Variants in MKNK1 observed in about 807,000 individuals in gnomAD.
MKNK1 encodes the protein MAP kinase-interacting serine/threonine-protein kinase 1.
A neutral mutation model predicts 49.3 loss-of-function variants in MKNK1; 30 were observed. That is an observed-to-expected ratio of 0.61 (90% CI 0.46 to 0.83). The LOEUF (loss-of-function observed/expected upper bound fraction) is 0.83, where lower values mean the gene tolerates loss of function less well. Among genes scored for constraint, MKNK1 ranks in the 40% least tolerant of loss-of-function variants. MKNK1 has a pLI of 0.00. For missense variants in MKNK1, 423 were observed against 524.7 expected (o/e 0.81, Z 1.89); for synonymous variants, 176 against 201.7 (o/e 0.87, Z 1.08).
intron 5 of MKNK1, 103 bp downstream of exon 5, chr1:46,576,472 G>A (rs1570179303): frequency 1.1e-6 from 1 of 933,014 alleles, no homozygotes; most frequent in East Asian, 2.4e-5. Flanking sequence ...GTGGGGACAG[G>A]AGTGAGAGCT....
At chr1:46,593,855 GAAA>G (rs61626573) in intron 2 of MKNK1, 459 of 127,950 alleles carry the variant, frequency 3.6e-3, no homozygotes, top group East Asian at 9.2e-3. Flanking sequence ...GACTCTATCT[GAAA>G]AAAAAAAAAA....
intron 1 of MKNK1, among the ~76,000 whole-genome samples, chr1:46,601,277 G>A (rs1674703340): frequency 6.6e-6 from 1 of 152,168 alleles, no homozygotes; most frequent in Non-Finnish European, 1.5e-5. Context: ...GGAACCAGAT[G>A]GTTGGTTTCC....
chr1:46,571,234 C>G (rs1406494041), intron 7 of MKNK1, among the ~76,000 whole-genome samples: 7 of 152,212 alleles, frequency 4.6e-5, no homozygotes, highest in Non-Finnish European at 1.0e-4. Flanking sequence ...ACAGATACCT[C>G]AAATGTACAT....
At chr1:46,602,532 T>C (rs1482894862) in intron 1 of MKNK1, among the ~76,000 whole-genome samples, 1 of 152,228 alleles carries the variant, frequency 6.6e-6, no homozygotes, top group Non-Finnish European at 1.5e-5. Context: ...CAGGAACTTG[T>C]CTGAGGCTGG....
Position 46,594,142 on chromosome 1 carries a change from A to G in MKNK1, c.-32T>C. ...AGGTTTTTCCAACTTTTGAGAAGAT[A>G]CCATCTGTAAACTTGAAATCCCAAA... On this transcript the variant is annotated 5_prime_UTR_variant, in exon 2 of 13. Transcript: ENST00000371945. The G allele has an allele frequency of 6.2e-7, 1 of 1,612,262 alleles. No individual in the cohort carries two copies. Among genetic ancestry groups the G allele is most frequent in the South Asian group, 1.1e-5 (1 of 91,050 alleles).
Position 46,583,284 on chromosome 1 carries a change from C to G in MKNK1, c.44G>C (p.Arg15Thr). Residue 15 changes from arginine to threonine, a missense_variant, in exon 3 of 13, where the codon AGG (arginine) becomes ACG (threonine). Coordinates refer to ENST00000371945, the MANE Select transcript of MKNK1 (RefSeq NM_001135553.4). Reference protein sequence around the residue: ...EPLPIADGDRRRKKKRRGRAT... With the variant: ...EPLPIADGDRTRKKKRRGRAT... ...CCGGCCCCTCCGCTTCTTCTTCCTC[C>G]TCCTGTCACCATCTGCGATGGGAAG... 6.2e-7 allele frequency: 1 copy of G among 1,614,088 alleles called. No individual in the cohort carries two copies. The highest frequency in any genetic ancestry group is 8.5e-7 in the Non-Finnish European group (1 of 1,180,026).
intron 8 of MKNK1, 187 bp downstream of exon 8, chr1:46,568,256 C>G (rs1669441786): frequency 5.0e-6 from 3 of 601,366 alleles, no homozygotes; most frequent in Non-Finnish European, 6.0e-6. Flanking sequence ...CACTGATGAT[C>G]AAGAGCGAAG....
chr1:46,562,672 C>G lies in MKNK1; in HGVS notation c.781G>C (p.Gly261Arg), dbSNP rs1270947348. The change falls in exon 10 of 13, where the codon GGC (glycine) becomes CGC (arginine). Residue 261 changes from glycine to arginine, a missense_variant. By Grantham distance (125) the Gly-to-Arg change is moderately radical. Transcript: ENST00000371945. ...HCGADCGWDR[G>R]EVCRVCQNKL... ...ACCTGGCACACCCTGCAGACCTCGC[C>G]CCGGTCCCAGCCACAGTCGGCCCCG... 6.4e-7 allele frequency: 1 copy of G among 1,557,470 alleles called. No individual in the cohort carries two copies. The highest frequency in any genetic ancestry group is 1.4e-5 in the African/African-American group (1 of 73,522).
At chr1:46,566,961 C>T (rs144930104) in intron 8 of MKNK1, among the ~76,000 whole-genome samples, 2 of 152,226 alleles carry the variant, frequency 1.3e-5, no homozygotes, top group East Asian at 3.9e-4. Context: ...TAGATAATGT[C>T]CTTTGAAACT....
At chr1:46,601,930 G>A (rs1381603626) in intron 1 of MKNK1, among the ~76,000 whole-genome samples, 5 of 152,052 alleles carry the variant, frequency 3.3e-5, no homozygotes, top group Non-Finnish European at 7.4e-5. Flanking sequence ...TATATTAGAG[G>A]GTCAGCCTTT....
At chr1:46,568,314 C>A in intron 8 of MKNK1, 129 bp downstream of exon 8, 1 of 799,328 alleles carries the variant, frequency 1.3e-6, no homozygotes, top group Non-Finnish European at 2.1e-6. Flanking sequence ...GTAACATTCT[C>A]ACATGTCCAA....
chr1:46,595,763 C>T (rs75129209), intron 1 of MKNK1, among the ~76,000 whole-genome samples: 2 of 152,190 alleles, frequency 1.3e-5, no homozygotes, highest in Non-Finnish European at 2.9e-5. Flanking sequence ...GCCTTGAACA[C>T]CATCCAACGA....
chr1:46,599,962 T>A (rs1272460726), intron 1 of MKNK1, among the ~76,000 whole-genome samples: 1 of 83,474 alleles, frequency 1.2e-5, no homozygotes, highest in East Asian at 3.3e-4. Flanking sequence ...TCGGCTTACT[T>A]CTTCTCCTCA....
At chr1:46,590,982 T>C (rs1020819700) in intron 2 of MKNK1, among the ~76,000 whole-genome samples, 1 of 152,248 alleles carries the variant, frequency 6.6e-6, no homozygotes, top group African/African-American at 2.4e-5. Flanking sequence ...TGTCATCTTA[T>C]GAAAGATGAG....
At chr1:46,568,604 C>T in intron 7 of MKNK1, 106 bp from the exon 8 acceptor site, 2 of 1,074,364 alleles carry the variant, frequency 1.9e-6, no homozygotes, top group Admixed American at 2.0e-5. Context: ...GATTAATTCC[C>T]AATTATGGTA....
At chr1:46,583,695 C>T (rs1672083326) in intron 2 of MKNK1, among the ~76,000 whole-genome samples, 1 of 152,098 alleles carries the variant, frequency 6.6e-6, no homozygotes, top group African/African-American at 2.4e-5. Context: ...ATCCTCCAGC[C>T]TCAGCATCAG....
intron 4 of MKNK1, among the ~76,000 whole-genome samples, chr1:46,579,953 C>A (rs1168283178): frequency 6.6e-6 from 1 of 152,174 alleles, no homozygotes; most frequent in Non-Finnish European, 1.5e-5. Context: ...TTAATCCTCA[C>A]TATCATGCTA....
rs535982425 is a variant in MKNK1 at position 46,588,467 on chromosome 1, T to C, written c.-2-5138A>G. On this transcript the variant is annotated intron_variant, in intron 2 of 12. Transcript: ENST00000371945. ...AATATTGGTGCCATGAAGATACTAA[T>C]TTCGCAATCATTCAAAACAACCAAT... is the stretch of plus-strand genomic sequence containing the variant. 3.7e-3 allele frequency among the ~76,000 whole-genome samples: 558 copies of C among 152,344 alleles called. 2 individuals carry two copies. Among genetic ancestry groups the C allele is most frequent in the African/African-American group, 0.013 (521 of 41,574 alleles).
intron 12 of MKNK1, among the ~76,000 whole-genome samples, chr1:46,559,498 C>G (rs1252579406): frequency 6.6e-6 from 1 of 152,238 alleles, no homozygotes; most frequent in Non-Finnish European, 1.5e-5. Flanking sequence ...CAGAGTCAAA[C>G]AGCCCAGGGC....
Sources: gnomAD v4.1 joint callset for allele counts (sites outside exome capture counted in the v4.1 genomes callset) on GRCh38, gnomAD v4.1.1 for gene constraint, MANE v1.5 for transcripts, NCBI Gene and HGNC (gene_info 2026-07-23, HGNC 2026-07-21) for gene names.